Variants in TMIGD3 observed in about 807,000 individuals in gnomAD.
The protein encoded by TMIGD3 is transmembrane and immunoglobulin domain containing 3, also known as AD026 protein (AD026).
Under a neutral mutation model 28.1 loss-of-function variants are expected in TMIGD3, and 21 were observed. The observed-to-expected ratio is 0.75, with a 90% CI of 0.53 to 1.08. The LOEUF is 1.08. TMIGD3 is among the 50% of genes least tolerant of loss of function. TMIGD3 has a pLI of 0.00. For missense variants in TMIGD3, 416 were observed against 435.6 expected (o/e 0.96, Z 0.40); for synonymous variants, 151 against 162.1 (o/e 0.93, Z 0.52).
At chr1:111,529,889 C>CT (rs1254613364) in intron 1 of TMIGD3, among the ~76,000 whole-genome samples, 5 of 148,968 alleles carry the variant, frequency 3.4e-5, no homozygotes, top group African/African-American at 1.3e-4. Context: ...TTGGGTACAC[C>CT]TCCCAGACGG....
At chr1:111,559,031 T>C (rs1433110563) in intron 1 of TMIGD3, among the ~76,000 whole-genome samples, 3 of 152,142 alleles carry the variant, frequency 2.0e-5, no homozygotes, top group South Asian at 2.1e-4. Flanking sequence ...CTGAACATAA[T>C]GCAGTTAAAT....
exon 1 of TMIGD3, chr1:111,563,925 C>G: frequency 6.2e-7 from 1 of 1,613,898 alleles, no homozygotes; most frequent in Non-Finnish European, 8.5e-7. Context: ...TCCTTCTGCT[C>G]AATGGGTCCT....
intron 1 of TMIGD3, among the ~76,000 whole-genome samples, chr1:111,530,605 AT>A (rs1376050062): frequency 6.6e-6 from 1 of 152,008 alleles, no homozygotes. Flanking sequence ...GTTTTGACAA[AT>A]TTTTTTCTTT....
chr1:111,559,568 T>C (rs144125625), intron 1 of TMIGD3, among the ~76,000 whole-genome samples: 4 of 152,184 alleles, frequency 2.6e-5, no homozygotes, highest in East Asian at 3.8e-4. Flanking sequence ...AAGGAGATCA[T>C]AATTTCTATC....
Position 111,561,739 on chromosome 1 carries a change from T to G in TMIGD3, c.107+2107A>C, listed in dbSNP as rs192189260. 2.5e-3 allele frequency among the ~76,000 whole-genome samples: 380 copies of G among 152,338 alleles called. 2 individuals carry two copies. The highest frequency in any genetic ancestry group is 8.3e-3 in the African/African-American group (343 of 41,558). On this transcript the variant is annotated intron_variant, in intron 1 of 5. Coordinates refer to the TMIGD3 transcript ENST00000369717. ...ATGGAGTCTTTCTCTCATATGTGTG[T>G]GTATTTGTGTGTATGTGTGTGTACG...
chr1:111,552,801 T>C (rs999583821), intron 1 of TMIGD3, among the ~76,000 whole-genome samples: 9 of 152,226 alleles, frequency 5.9e-5, no homozygotes, highest in African/African-American at 2.2e-4. Flanking sequence ...TTTTAACATC[T>C]GTAAAATGGG....
chr1:111,500,138 C>T (rs747191514), intron 1 of TMIGD3: 8 of 1,613,982 alleles, frequency 5.0e-6, no homozygotes, highest in Non-Finnish European at 6.8e-6. Flanking sequence ...GGTACCTCAC[C>T]ATTAAAGTAG....
Position 111,490,562 on chromosome 1 carries a change from T to C in TMIGD3, c.457+94A>G, listed in dbSNP as rs1400466775. On this transcript the variant is annotated intron_variant, in intron 2 of 5. Transcript: ENST00000369716. The stretch of plus-strand genomic sequence containing the variant: ...CCACTCCTTAGATGGTTCGAGTTAA[T>C]AAGCAAGGACTCCAAGTAGGTGAGG... The C allele has an allele frequency of 2.0e-5, 18 of 892,500 alleles. 1 individual carries two copies. The East Asian group carries it at 3.9e-4, about 19-fold the overall frequency. The allele number at this position is 892,500 out of a possible 1,614,324, so 55.3% of individuals were successfully genotyped here. A position where few individuals can be genotyped will look rare whatever the true frequency, so the allele number is the denominator to read the frequency against.
chr1:111,530,767 A>G (rs192406718), intron 1 of TMIGD3, among the ~76,000 whole-genome samples: 45 of 152,074 alleles, frequency 3.0e-4, no homozygotes, highest in Admixed American at 6.5e-4. Context: ...TCTGCTTTTG[A>G]GCAATTTGAT....
intron 1 of TMIGD3, among the ~76,000 whole-genome samples, chr1:111,509,226 G>A (rs1488456769): frequency 2.0e-5 from 3 of 152,202 alleles, no homozygotes; most frequent in South Asian, 2.1e-4. Flanking sequence ...AGCCACCTAC[G>A]TCATTGATCC....
Position 111,483,662 on chromosome 1 carries a change from T to C in TMIGD3, c.*25A>G. On this transcript the variant is annotated 3_prime_UTR_variant, in exon 6 of 6. Coordinates refer to ENST00000369716, the MANE Select transcript of TMIGD3 (RefSeq NM_020683.7). ...ATTATTCTGTTGTAGCATCACTTTATGAACTAAATTAAAAAAATCTTCAGT... is the reference window on the plus strand; with the variant it reads ...ATTATTCTGTTGTAGCATCACTTTACGAACTAAATTAAAAAAATCTTCAGT... 6.4e-7 allele frequency: 1 copy of C among 1,571,480 alleles called. No individual in the cohort carries two copies. Among genetic ancestry groups the C allele is most frequent in the Non-Finnish European group, 8.8e-7 (1 of 1,141,632 alleles).
intron 1 of TMIGD3, among the ~76,000 whole-genome samples, chr1:111,524,713 G>C (rs934653275): frequency 6.6e-6 from 1 of 151,994 alleles, no homozygotes; most frequent in Admixed American, 6.6e-5. Flanking sequence ...TCCGCCTCCC[G>C]GGTTTAAGTG....
intron 1 of TMIGD3, among the ~76,000 whole-genome samples, chr1:111,511,491 A>G (rs1655690334): frequency 6.6e-6 from 1 of 152,198 alleles, no homozygotes; most frequent in Non-Finnish European, 1.5e-5. Context: ...AGGTTTTTGC[A>G]TCTTCTAACT....
chr1:111,485,525 C>A, intron 5 of TMIGD3: 1 of 479,106 alleles, frequency 2.1e-6, no homozygotes, highest in Non-Finnish European at 3.7e-6. Context: ...ACACATGTAT[C>A]CACTTAAGAA....
At chr1:111,486,371 T>G in intron 4 of TMIGD3, among the ~76,000 whole-genome samples, 1 of 151,978 alleles carries the variant, frequency 6.6e-6, no homozygotes, top group East Asian at 1.9e-4. Context: ...GAGGGCTTTT[T>G]TGCTGCTTGC....
chr1:111,493,983 T>C (rs1251707964), intron 1 of TMIGD3, among the ~76,000 whole-genome samples: 1 of 149,082 alleles, frequency 6.7e-6, no homozygotes, highest in Non-Finnish European at 1.5e-5. Context: ...CTAGAAAATG[T>C]GCATTTGGTT....
At chr1:111,522,418 T>G (rs914616765) in intron 1 of TMIGD3, among the ~76,000 whole-genome samples, 25 of 152,208 alleles carry the variant, frequency 1.6e-4, no homozygotes, top group African/African-American at 5.8e-4. Flanking sequence ...CTCTCCACTT[T>G]ATTTGTCGTT....
upstream of TMIGD3, among the ~76,000 whole-genome samples, chr1:111,505,894 C>T (rs1258689770): frequency 6.6e-6 from 1 of 152,136 alleles, no homozygotes; most frequent in African/African-American, 2.4e-5. Context: ...GATGGGTCTC[C>T]CAGCCTCTGC....
chr1:111,486,605 G>A lies in TMIGD3; in HGVS notation c.853C>T (p.Arg285Cys), dbSNP rs148883954. 26 of 1,613,444 alleles carry A rather than the reference G, an allele frequency of 1.6e-5. No homozygotes were observed. The highest frequency in any genetic ancestry group is 1.7e-4 in the Middle Eastern group (1 of 5,918). Reference protein sequence around the residue: ...TRSCKAPKVVRKADRSRTSIL... With the variant: ...TRSCKAPKVVCKADRSRTSIL... ...ACTCACCTGGAGCGGTCAGCCTTGC[G>A]GACAACTTTGGGAGCCTTGCAGCTT... is the stretch of plus-strand genomic sequence containing the variant. Residue 285 changes from arginine to cysteine, a missense_variant, in exon 4 of 6, where the codon CGC (arginine) becomes TGC (cysteine). Coordinates refer to ENST00000369716, the MANE Select transcript of TMIGD3 (RefSeq NM_020683.7).
Sources: gnomAD v4.1 joint callset for allele counts (sites outside exome capture counted in the v4.1 genomes callset) on GRCh38, gnomAD v4.1.1 for gene constraint, MANE v1.5 for transcripts, NCBI Gene and HGNC (gene_info 2026-07-23, HGNC 2026-07-21) for gene names.